The following CDYL2 variants were observed in gnomAD, a reference collection of about 807,000 sequenced individuals.
The protein encoded by CDYL2 is chromodomain Y-like protein 2.
CDYL2 carries 23 observed loss-of-function variants against 49.4 expected under a neutral mutation model. That is an observed-to-expected ratio of 0.47 (90% confidence interval 0.34 to 0.66). The LOEUF (loss-of-function observed/expected upper bound fraction) is 0.66. CDYL2 is among the 30% of genes least tolerant of loss of function. The pLI is 0.01. For missense variants in CDYL2, 678 were observed against 656.4 expected (o/e 1.03, Z -0.36); for synonymous variants, 360 against 268.8 (o/e 1.34, Z -3.32).
At chr16:80,750,877 A>G (rs975590824) in intron 1 of CDYL2, among the ~76,000 whole-genome samples, 1 of 152,098 alleles carries the variant, frequency 6.6e-6, no homozygotes, top group Non-Finnish European at 1.5e-5. Context: ...AAAACTAGCC[A>G]GGCGTGGTGG....
At position 80,604,410 on chromosome 16, in the gene CDYL2, T is replaced by A; in HGVS notation, c.1499A>T (p.Gln500Leu). 3.1e-6 allele frequency: 5 copies of A among 1,614,186 alleles called. No homozygotes were observed. The highest frequency in any genetic ancestry group is 4.2e-6 in the Non-Finnish European group (5 of 1,180,008). The change falls in exon 7 of 7, where the codon CAG becomes CTG. Residue 500 changes from glutamine to leucine, a missense_variant. Physicochemically the swap from Gln to Leu is moderately radical, Grantham distance 113. This residue lies in a region of CDYL2 where 153 missense variants were observed against 150.6 expected (regional missense o/e 1.02). Coordinates refer to ENST00000570137, the MANE Select transcript of CDYL2 (RefSeq NM_152342.4). The part of the protein sequence containing the change: ...KGLDSLFSYL[Q>L]DKIYEV Reference sequence around the variant, plus strand: ...CCCTCAGACTTCATAAATTTTGTCCTGCAGGTAGCTGAAAAGGGAGTCAAG... The same window carrying A: ...CCCTCAGACTTCATAAATTTTGTCCAGCAGGTAGCTGAAAAGGGAGTCAAG...
rs1226582305 is a variant in CDYL2 at position 80,612,394 on chromosome 16, G to T, written c.1218+232C>A. 1.3e-5 allele frequency among the ~76,000 whole-genome samples: 2 copies of T among 152,174 alleles called. No individual in the cohort carries two copies. Among genetic ancestry groups the T allele is most frequent in the Admixed American group, 1.3e-4 (2 of 15,280 alleles). The stretch of plus-strand genomic sequence containing the variant: ...AGACACGCCTTCAGGGGGTTGGAGT[G>T]AGGAATAATTGAGACGCCATGCAGA... On this transcript the variant is annotated intron_variant, in intron 5 of 6. Coordinates refer to ENST00000570137, the MANE Select transcript of CDYL2 (RefSeq NM_152342.4). The surrounding 1 kb of genome is among the most constrained non-coding windows in gnomAD (Gnocchi z 5.0).
At chr16:80,607,712 C>T (rs996822446) in intron 6 of CDYL2, among the ~76,000 whole-genome samples, 1 of 152,222 alleles carries the variant, frequency 6.6e-6, no homozygotes, top group African/African-American at 2.4e-5. Context: ...GTACAGCTTT[C>T]TCTAGTCATC....
intron 1 of CDYL2, among the ~76,000 whole-genome samples, chr16:80,744,533 C>T (rs1418314489): frequency 6.6e-6 from 1 of 152,162 alleles, no homozygotes; most frequent in African/African-American, 2.4e-5. Flanking sequence ...ATAGAAGGTA[C>T]TTTATTTCCA....
intron 1 of CDYL2, among the ~76,000 whole-genome samples, chr16:80,739,394 T>A (rs745942854): frequency 6.6e-6 from 1 of 152,184 alleles, no homozygotes; most frequent in Non-Finnish European, 1.5e-5. Flanking sequence ...TAAAAATGGT[T>A]AAGATGGTAA....
intron 1 of CDYL2, among the ~76,000 whole-genome samples, chr16:80,718,810 A>G (rs1318978918): frequency 6.6e-6 from 1 of 152,220 alleles, no homozygotes; most frequent in Non-Finnish European, 1.5e-5. Context: ...TGTTGGAGAC[A>G]GAATCCCAGT....
chr16:80,617,932 C>G (rs1906904079), intron 4 of CDYL2, among the ~76,000 whole-genome samples: 1 of 152,194 alleles, frequency 6.6e-6, no homozygotes, highest in Non-Finnish European at 1.5e-5. Context: ...AAAAGATGCG[C>G]TGGCCCCACC....
At chr16:80,699,153 T>C (rs560430973) in intron 1 of CDYL2, among the ~76,000 whole-genome samples, 74 of 152,340 alleles carry the variant, frequency 4.9e-4, no homozygotes, top group Middle Eastern at 6.8e-3. Context: ...AACCCACTAC[T>C]GGGTATATAT....
chr16:80,654,139 G>T (rs1908705392), intron 2 of CDYL2, among the ~76,000 whole-genome samples: 1 of 152,228 alleles, frequency 6.6e-6, no homozygotes, highest in Non-Finnish European at 1.5e-5. Context: ...AAGGGTGCAA[G>T]GAGACGCAGA....
At chr16:80,752,158 A>G (rs1472633488) in intron 1 of CDYL2, among the ~76,000 whole-genome samples, 3 of 152,194 alleles carry the variant, frequency 2.0e-5, no homozygotes, top group Non-Finnish European at 4.4e-5. Flanking sequence ...TAAGAACTCA[A>G]TAGATAAGTT....
intron 1 of CDYL2, among the ~76,000 whole-genome samples, chr16:80,686,395 A>T (rs983392934): frequency 9.9e-5 from 15 of 152,248 alleles, no homozygotes; most frequent in African/African-American, 3.6e-4. Context: ...TCAATGAAAA[A>T]GTAAGCAGTT....
chr16:80,746,526 C>G (rs1413754082), intron 1 of CDYL2, among the ~76,000 whole-genome samples: 1 of 152,184 alleles, frequency 6.6e-6, no homozygotes, highest in Non-Finnish European at 1.5e-5. Context: ...TGTTCTAAAT[C>G]AGTACTGAAG....
At chr16:80,606,045 G>A (rs1389940337) in intron 6 of CDYL2, among the ~76,000 whole-genome samples, 2 of 152,200 alleles carry the variant, frequency 1.3e-5, no homozygotes, top group South Asian at 2.1e-4. Flanking sequence ...TGCATTCTTC[G>A]CTGGCCTCCA....
At chr16:80,637,828 T>A (rs1907908227) in intron 2 of CDYL2, among the ~76,000 whole-genome samples, 2 of 152,368 alleles carry the variant, frequency 1.3e-5, no homozygotes, top group South Asian at 4.1e-4. Flanking sequence ...TTACCCTGAT[T>A]TGATCATTAC....
intron 3 of CDYL2, among the ~76,000 whole-genome samples, chr16:80,628,631 G>A (rs1018904848): frequency 6.6e-6 from 1 of 152,048 alleles, no homozygotes; most frequent in East Asian, 1.9e-4. Flanking sequence ...GACAATAAAC[G>A]TGTGCTGTTT....
chr16:80,741,071 A>C (rs1386178102), intron 1 of CDYL2, among the ~76,000 whole-genome samples: 2 of 151,432 alleles, frequency 1.3e-5, no homozygotes, highest in Non-Finnish European at 1.5e-5. Flanking sequence ...TCTACTGCCA[A>C]TTATTAAAAA....
At position 80,765,590 on chromosome 16, in the gene CDYL2, C is replaced by A. The variant is rs148527474; in HGVS notation, c.24+38560G>T. Reference sequence around the variant, plus strand: ...AAACCTAAGAGAAATGAAAGCCGATCTGCACGCAAAAACTTGTACACAGAT... The same window carrying A: ...AAACCTAAGAGAAATGAAAGCCGATATGCACGCAAAAACTTGTACACAGAT... On this transcript the variant is annotated intron_variant, in intron 1 of 6. Transcript: ENST00000570137. Among the ~76,000 whole-genome samples the A allele has an allele frequency of 5.1e-4, 78 of 152,068 alleles. 1 individual carries two copies. The East Asian group carries it at 0.011, about 22-fold the overall frequency.
intron 2 of CDYL2, among the ~76,000 whole-genome samples, chr16:80,653,725 T>G (rs1023319793): frequency 6.6e-6 from 1 of 152,206 alleles, no homozygotes; most frequent in Non-Finnish European, 1.5e-5. Flanking sequence ...TAAGCTATTA[T>G]TTTAAAGAAT....
chr16:80,687,577 G>A (rs867033394), intron 1 of CDYL2, among the ~76,000 whole-genome samples: 11 of 152,138 alleles, frequency 7.2e-5, no homozygotes, highest in Admixed American at 6.5e-5. Flanking sequence ...TGGCTGGATG[G>A]ATGGATGGAC....
Sources: allele counts gnomAD v4.1 joint callset (sites outside exome capture counted in the v4.1 genomes callset), GRCh38; gene constraint gnomAD v4.1.1; regional missense constraint gnomAD v4.1.1; non-coding constraint Gnocchi (gnomAD v3.1); transcripts MANE v1.5; gene names NCBI Gene and HGNC (gene_info 2026-07-23, HGNC 2026-07-21).